RGS7: variants seen among roughly 807,000 people sequenced by gnomAD.
RGS7 encodes the protein regulator of G protein signaling 7, also known as regulator of G-protein signaling 7.
Under a neutral mutation model 81.1 loss-of-function variants are expected in RGS7, and 27 were observed. The observed-to-expected ratio is 0.33, with a 90% CI of 0.25 to 0.46. The LOEUF is 0.46. Among genes scored for constraint, RGS7 ranks in the 20% least tolerant of loss-of-function variants. The pLI, the probability that RGS7 is intolerant of heterozygous loss-of-function variation, is 1.00. For missense variants in RGS7, 396 were observed against 607.4 expected, an observed-to-expected ratio of 0.65 and a Z score of 3.66; for synonymous variants, 208 against 207.7, an observed-to-expected ratio of 1.00 and a Z score of -0.01.
At chr1:241,280,853 A>G (rs918321375) in intron 2 of RGS7, among the ~76,000 whole-genome samples, 5 of 152,228 alleles carry the variant, frequency 3.3e-5, no homozygotes, top group Admixed American at 3.3e-4. Context: ...TCTGGGCTAA[A>G]TGCCTAAAGG....
At chr1:241,165,465 T>C (rs2070117691) in intron 2 of RGS7, among the ~76,000 whole-genome samples, 1 of 151,864 alleles carries the variant, frequency 6.6e-6, no homozygotes, top group African/African-American at 2.4e-5. Flanking sequence ...AAATGATGAG[T>C]TCATGTCCTT....
Position 240,985,045 on chromosome 1 carries a change from T to C in RGS7, c.176-1916A>G, listed in dbSNP as rs562525590. 3.2e-4 allele frequency among the ~76,000 whole-genome samples: 49 copies of C among 152,298 alleles called. No individual in the cohort carries two copies. In the South Asian group the frequency reaches 9.7e-3, roughly 30 times the overall value. On this transcript the variant is annotated intron_variant, in intron 3 of 18. Coordinates refer to ENST00000440928, the MANE Select transcript of RGS7 (RefSeq NM_001364886.1). ...TACTAAAACAGCTCTAAGGGTCAAA[T>C]GGAAAGGAGATCATTCTCCAGAAGG...
chr1:241,132,984 G>A (rs555027799), intron 2 of RGS7, among the ~76,000 whole-genome samples: 66 of 152,102 alleles, frequency 4.3e-4, no homozygotes, highest in African/African-American at 1.5e-3. Context: ...GGATGGTCTC[G>A]ATCTCCTGAC....
intron 2 of RGS7, among the ~76,000 whole-genome samples, chr1:241,302,263 C>G (rs751037254): frequency 6.6e-6 from 1 of 152,042 alleles, no homozygotes. Context: ...ACTTTGGCTT[C>G]GGCCGGCCGG....
At chr1:240,988,741 T>C (rs1262859722) in intron 3 of RGS7, among the ~76,000 whole-genome samples, 3 of 152,164 alleles carry the variant, frequency 2.0e-5, no homozygotes, top group African/African-American at 7.2e-5. Context: ...CCCCTTGATC[T>C]AAGAAATCTC....
At chr1:241,089,061 CTCTATA>C (rs1430815832) in intron 3 of RGS7, among the ~76,000 whole-genome samples, 144 of 36,872 alleles carry the variant, frequency 3.9e-3, no homozygotes, top group Middle Eastern at 0.011. Context: ...CTCTCTCTCT[CTCTATA>C]TATATATATA....
intron 3 of RGS7, among the ~76,000 whole-genome samples, chr1:241,076,394 T>G (rs2062802354): frequency 6.6e-6 from 1 of 152,216 alleles, no homozygotes; most frequent in Non-Finnish European, 1.5e-5. Context: ...TAGTTCAAAT[T>G]GAAAGTTTGC....
chr1:240,789,308 G>A (rs1685576209), intron 18 of RGS7, among the ~76,000 whole-genome samples: 1 of 152,118 alleles, frequency 6.6e-6, no homozygotes, highest in Non-Finnish European at 1.5e-5. Flanking sequence ...TGTGATGATT[G>A]CGTTAACTGT....
Position 241,135,119 on chromosome 1 carries a change from A to C in RGS7, c.79-36357T>G, listed in dbSNP as rs545017975. On this transcript the variant is annotated intron_variant, in intron 2 of 18. Transcript: ENST00000440928. ...TTTAGGCATCAGACCGCCTGTGCCC[A>C]GGCGCTCATTAAAACAGCATGTTGC... Among the ~76,000 whole-genome samples the C allele has an allele frequency of 5.9e-5, 9 of 152,276 alleles. No homozygotes were observed. The East Asian group carries it at 1.7e-3, about 29-fold the overall frequency.
At chr1:240,882,571 G>A (rs978304772) in intron 6 of RGS7, among the ~76,000 whole-genome samples, 1 of 152,140 alleles carries the variant, frequency 6.6e-6, no homozygotes, top group Non-Finnish European at 1.5e-5. Context: ...TTGGGTCTCA[G>A]TGATCACAAA....
chr1:240,814,921 A>G (rs1428582395), intron 11 of RGS7, 144 bp from the exon 12 acceptor site: 1 of 684,078 alleles, frequency 1.5e-6, no homozygotes, highest in African/African-American at 1.8e-5. Flanking sequence ...AAATAGAAGC[A>G]GAGGGCTCTT....
intron 2 of RGS7, among the ~76,000 whole-genome samples, chr1:241,235,000 A>C (rs2075850863): frequency 6.6e-6 from 1 of 152,220 alleles, no homozygotes. Context: ...CAGCTTTTTA[A>C]ATCTAATTTC....
chr1:241,350,899 G>A (rs1333916912), intron 2 of RGS7, among the ~76,000 whole-genome samples: 2 of 152,176 alleles, frequency 1.3e-5, no homozygotes, highest in Non-Finnish European at 2.9e-5. Flanking sequence ...TCAATGCTAA[G>A]AGACCAGTAA....
intron 9 of RGS7, among the ~76,000 whole-genome samples, chr1:240,855,022 A>G (rs1002074011): frequency 6.6e-6 from 1 of 152,152 alleles, no homozygotes; most frequent in African/African-American, 2.4e-5. Flanking sequence ...ACAATTTTTC[A>G]GAGTATAAAT....
intron 5 of RGS7, among the ~76,000 whole-genome samples, chr1:240,932,277 G>A (rs1459134121): frequency 1.3e-5 from 2 of 151,986 alleles, no homozygotes; most frequent in African/African-American, 4.8e-5. Flanking sequence ...GTAGTTTTGT[G>A]AACATGAGAA....
intron 2 of RGS7, among the ~76,000 whole-genome samples, chr1:241,191,532 T>C (rs2072652752): frequency 6.6e-6 from 1 of 152,218 alleles, no homozygotes; most frequent in African/African-American, 2.4e-5. Context: ...TTAAAGACAT[T>C]TTTATTTATA....
At chr1:241,013,551 T>C (rs74149581) in intron 3 of RGS7, among the ~76,000 whole-genome samples, 2,988 of 152,336 alleles carry the variant, frequency 0.02, 108 homozygotes, top group African/African-American at 0.068. Context: ...TAAAAAGATG[T>C]ACCCTCTGCT....
At chr1:241,078,485 A>ATGTGTGTGTGTGTG (rs60742879) in intron 3 of RGS7, among the ~76,000 whole-genome samples, 2,017 of 143,576 alleles carry the variant, frequency 0.014, 58 homozygotes, top group African/African-American at 0.049. Context: ...CACGTAAGTT[A>ATGTGTGTGTGTGTG]TGTGTGTGTG....
Position 240,969,015 on chromosome 1 carries a change from C to T in RGS7, c.226+14064G>A, listed in dbSNP as rs115759529. ...CCTGACTTTTCAGACAGCTCTTACA[C>T]AACTATCTATGGCCGCTTCTGGGTA... On this transcript the variant is annotated intron_variant, in intron 4 of 18. Coordinates refer to ENST00000440928, the MANE Select transcript of RGS7 (RefSeq NM_001364886.1). 2.8e-3 allele frequency among the ~76,000 whole-genome samples: 426 copies of T among 152,270 alleles called. 5 individuals carry two copies. Among genetic ancestry groups the T allele is most frequent in the African/African-American group, 9.0e-3 (374 of 41,556 alleles).
Sources: gnomAD v4.1 joint callset for allele counts (sites outside exome capture counted in the v4.1 genomes callset) on GRCh38, gnomAD v4.1.1 for gene constraint, MANE v1.5 for transcripts, NCBI Gene and HGNC (gene_info 2026-07-23, HGNC 2026-07-21) for gene names.